The following MCCC1 variants were observed in gnomAD, a reference collection of about 807,000 sequenced individuals.
MCCC1 encodes the protein methylcrotonyl-CoA carboxylase subunit 1.
A neutral mutation model predicts 83.8 loss-of-function variants in MCCC1; 64 were observed. That is an observed-to-expected ratio of 0.76 (90% CI 0.62 to 0.94). The LOEUF (loss-of-function observed/expected upper bound fraction) is 0.94, where lower values mean the gene tolerates loss of function less well. Ranked by LOEUF, MCCC1 falls within the 40% of genes least tolerant of loss-of-function variation. MCCC1 has a pLI of 0.00. For missense variants in MCCC1, 807 were observed against 904.7 expected, an observed-to-expected ratio of 0.89 and a Z score of 1.39; for synonymous variants, 322 against 315.4, an observed-to-expected ratio of 1.02 and a Z score of -0.22.
At chr3:183,101,011 A>G (rs544830682), upstream of MCCC1, among the ~76,000 whole-genome samples, 2,191 of 152,278 alleles carry the variant, frequency 0.014, 23 homozygotes, top group Non-Finnish European at 0.019. Context: ...AGCCCTGCTG[A>G]CCCCGGGCAA....
chr3:183,037,448 A>C lies in MCCC1; in HGVS notation c.1378-14T>G. 2 of 1,601,320 alleles carry C rather than the reference A, an allele frequency of 1.2e-6. No individual in the cohort carries two copies. The highest frequency in any genetic ancestry group is 1.1e-5 in the South Asian group (1 of 90,822). On this transcript the variant is annotated splice_polypyrimidine_tract_variant and intron_variant, in intron 12 of 18. Coordinates refer to ENST00000265594, the MANE Select transcript of MCCC1 (RefSeq NM_020166.5). The stretch of plus-strand genomic sequence containing the variant: ...CAGTCCAACAATCTAGGAAGAGAAT[A>C]AACCCCCAGTTCCTGCTGAGTGGGG...
chr3:183,067,663 G>A (rs1277691700), intron 7 of MCCC1, among the ~76,000 whole-genome samples: 2 of 152,196 alleles, frequency 1.3e-5, no homozygotes, highest in Admixed American at 6.5e-5. Flanking sequence ...GAAGAAACAG[G>A]AGGGACTGGT....
chr3:183,086,878 T>G (rs1157988603), intron 3 of MCCC1, 90 bp from the exon 4 acceptor site: 2 of 1,207,302 alleles, frequency 1.7e-6, no homozygotes, highest in Non-Finnish European at 2.4e-6. Flanking sequence ...ATTTTATTAT[T>G]GTAAATAAAA....
Position 183,017,306 on chromosome 3 carries a change from G to A in MCCC1, c.2009C>T (p.Ala670Val), listed in dbSNP as rs138937107. Residue 670 changes from alanine to valine, a missense_variant, in exon 18 of 19, where the codon GCG becomes GTG. By Grantham distance (64) the Ala-to-Val change is moderately conservative. Coordinates refer to ENST00000265594, the MANE Select transcript of MCCC1 (RefSeq NM_020166.5). Reference protein sequence around the residue: ...VFVKAGDKVKAGDSLMVMIAM... With the variant: ...VFVKAGDKVKVGDSLMVMIAM... ...GATCATAACCATGAGGGAATCTCCC[G>A]CTTTCACTTTGTCTCCAGCTTTGAC... 9.2e-5 allele frequency: 149 copies of A among 1,613,792 alleles called. No individual in the cohort carries two copies. In the African/African-American group the frequency reaches 1.5e-3, roughly 17 times the overall value.
intron 15 of MCCC1, among the ~76,000 whole-genome samples, chr3:183,024,018 A>G (rs1314957359): frequency 6.6e-6 from 1 of 152,188 alleles, no homozygotes; most frequent in African/African-American, 2.4e-5. Flanking sequence ...TGGGAGGCCA[A>G]GGTGGGCGGA....
intron 18 of MCCC1, 142 bp downstream of exon 18, chr3:183,017,124 G>A (rs1711703768): frequency 6.3e-6 from 5 of 790,480 alleles, no homozygotes; most frequent in Non-Finnish European, 1.1e-5. Flanking sequence ...GGATAGTTTG[G>A]TTTTGTTTCC....
chr3:183,046,772 A>G (rs1217528350), intron 9 of MCCC1, among the ~76,000 whole-genome samples: 1 of 152,196 alleles, frequency 6.6e-6, no homozygotes, highest in Admixed American at 6.5e-5. Context: ...CCTATCAAGT[A>G]AAAAGCTGAA....
chr3:183,094,523 A>T, intron 2 of MCCC1, 36 bp downstream of exon 2: 1 of 1,610,206 alleles, frequency 6.2e-7, no homozygotes, highest in Non-Finnish European at 8.5e-7. Context: ...TCCAGTCTGA[A>T]GCAAAATCAA....
chr3:183,040,627 GC>G (rs1189219303), intron 11 of MCCC1, among the ~76,000 whole-genome samples: 2 of 151,930 alleles, frequency 1.3e-5, no homozygotes, highest in Non-Finnish European at 2.9e-5. Context: ...GGAGGCTGAG[GC>G]CTGAGAACTG....
In MCCC1 at chr3:183,092,560, A is replaced by G; in HGVS notation, c.137-15T>C. ...AATGTTTCTTCCTGTTTAAAACACCATGAAAATCACACAGAAATGTTACTG... is the reference window on the plus strand; with the variant it reads ...AATGTTTCTTCCTGTTTAAAACACCGTGAAAATCACACAGAAATGTTACTG... On this transcript the variant is annotated splice_polypyrimidine_tract_variant and intron_variant, in intron 2 of 18. Transcript: ENST00000265594. The G allele has an allele frequency of 1.9e-6, 3 of 1,614,072 alleles. No individual in the cohort carries two copies. The highest frequency in any genetic ancestry group is 4.5e-5 in the East Asian group (2 of 44,878).
At position 183,099,389 on chromosome 3, in the gene MCCC1, G is replaced by C. The variant is rs1443414652; in HGVS notation, c.52C>G (p.Arg18Gly). The change falls in exon 1 of 19, where the codon CGG becomes GGG. Residue 18 changes from arginine (R) to glycine (G), a missense_variant. Transcript: ENST00000265594. ...SVLLVAAERN[R>G]WHRLPSLLLP... ...AGCAGGCTCGGGAGACGATGCCACC[G>C]GTTCCTCTCCGCCGCCACCAGCAGC... 1 of 1,604,780 alleles carries C rather than the reference G, an allele frequency of 6.2e-7. No individual in the cohort carries two copies. Among genetic ancestry groups the C allele is most frequent in the Non-Finnish European group, 8.5e-7 (1 of 1,177,382 alleles).
In MCCC1 at chr3:183,063,947, G is replaced by A. The variant is rs181775898; in HGVS notation, c.762-6525C>T. Among the ~76,000 whole-genome samples, 28 of 152,252 alleles carry A rather than the reference G, an allele frequency of 1.8e-4. No individual in the cohort carries two copies. The East Asian group carries it at 4.8e-3, about 26-fold the overall frequency. ...ACAGGCCCAACTTGGTGGAGTTAAA[G>A]TCTCTCCTAAGACAGAGTGGGTTAA... is the stretch of plus-strand genomic sequence containing the variant. On this transcript the variant is annotated intron_variant, in intron 7 of 18. Coordinates refer to ENST00000265594, the MANE Select transcript of MCCC1 (RefSeq NM_020166.5).
intron 2 of MCCC1, among the ~76,000 whole-genome samples, chr3:183,093,289 T>C (rs904856626): frequency 3.3e-5 from 5 of 152,316 alleles, no homozygotes; most frequent in African/African-American, 1.2e-4. Context: ...CCTAATGAAA[T>C]AGATACTATC....
At chr3:183,085,688 C>T (rs556831158) in intron 4 of MCCC1, among the ~76,000 whole-genome samples, 1 of 150,792 alleles carries the variant, frequency 6.6e-6, no homozygotes, top group African/African-American at 2.4e-5. Flanking sequence ...CTACCTCTCT[C>T]TGCTCCATCG....
chr3:183,022,097 C>G (rs1712203599), intron 16 of MCCC1, among the ~76,000 whole-genome samples: 1 of 152,186 alleles, frequency 6.6e-6, no homozygotes, highest in Non-Finnish European at 1.5e-5. Flanking sequence ...GTTCAGACAT[C>G]AAAGCCCTGA....
At chr3:183,035,859 G>A (rs1020232013) in intron 13 of MCCC1, among the ~76,000 whole-genome samples, 1 of 151,686 alleles carries the variant, frequency 6.6e-6, no homozygotes, top group South Asian at 2.1e-4. Flanking sequence ...TAAGTTCTAG[G>A]GTACATGTGC....
At chr3:183,045,118 G>A (rs948150649) in intron 10 of MCCC1, among the ~76,000 whole-genome samples, 4 of 147,204 alleles carry the variant, frequency 2.7e-5, no homozygotes, top group African/African-American at 1.0e-4. Flanking sequence ...TTAAGATGGA[G>A]TACCCAGGCT....
intron 15 of MCCC1, among the ~76,000 whole-genome samples, chr3:183,022,907 T>C (rs1036827960): frequency 5.3e-5 from 8 of 152,238 alleles, no homozygotes. Flanking sequence ...TTGCATATAT[T>C]ACATGTTTGT....
rs147260076 is a variant in MCCC1 at position 183,113,001 on chromosome 3, G to A, written c.-102+2473C>T. ...ACCACTTTGGGAGGCCAAGGCCGGC[G>A]GATCACGAAGTCAAGAGATCGAGAC... On this transcript the variant is annotated intron_variant, in intron 1 of 17. Transcript: ENST00000492597. 4.2e-4 allele frequency among the ~76,000 whole-genome samples: 64 copies of A among 152,140 alleles called. 1 individual carries two copies. The highest frequency in any genetic ancestry group is 3.4e-3 in the Middle Eastern group (1 of 294).
Sources: gnomAD v4.1 joint callset for allele counts (sites outside exome capture counted in the v4.1 genomes callset) on GRCh38, gnomAD v4.1.1 for gene constraint, MANE v1.5 for transcripts, NCBI Gene and HGNC (gene_info 2026-07-23, HGNC 2026-07-21) for gene names.